B3GALT1: variants seen among roughly 807,000 people sequenced by gnomAD.
The protein encoded by B3GALT1 is beta-1,3-galactosyltransferase 1, also known as UDP-Gal:betaGlcNAc beta 1,3-galactosyltransferase, polypeptide 1.
In B3GALT1, 10 loss-of-function variants were observed where a neutral mutation model predicts 23.2. The observed-to-expected ratio is 0.43, with a 90% CI of 0.27 to 0.73. The LOEUF is 0.73. Ranked by LOEUF, B3GALT1 falls within the 30% of genes least tolerant of loss-of-function variation. The pLI is 0.21. For synonymous variants in B3GALT1, 156 were observed against 141.5 expected, an observed-to-expected ratio of 1.10 and a Z score of -0.73; for missense variants, 299 against 405.4, an observed-to-expected ratio of 0.74 and a Z score of 2.25.
chr2:167,667,102 C>T (rs1174130490), intron 3 of B3GALT1, among the ~76,000 whole-genome samples: 2 of 152,034 alleles, frequency 1.3e-5, no homozygotes, highest in South Asian at 4.2e-4. Context: ...TTGTTCCCTT[C>T]CATGTTTAGC....
chr2:167,633,835 C>T (rs1469347708), intron 2 of B3GALT1, among the ~76,000 whole-genome samples: 2 of 152,064 alleles, frequency 1.3e-5, no homozygotes, highest in Non-Finnish European at 2.9e-5. Flanking sequence ...CAGCTCTGGA[C>T]CAAGCAGACC....
intron 1 of B3GALT1, among the ~76,000 whole-genome samples, chr2:167,448,839 CATT>C (rs1699043257): frequency 6.6e-6 from 1 of 152,100 alleles, no homozygotes; most frequent in South Asian, 2.1e-4. Context: ...ATCCCAGGAC[CATT>C]TGTTGAATAG....
At chr2:167,561,112 C>G (rs1053565206) in intron 2 of B3GALT1, among the ~76,000 whole-genome samples, 43 of 152,204 alleles carry the variant, frequency 2.8e-4, no homozygotes, top group African/African-American at 9.4e-4. Flanking sequence ...CTCTCTCAGA[C>G]CACAGTGCTA....
At chr2:167,720,072 A>T (rs942604157) in intron 3 of B3GALT1, among the ~76,000 whole-genome samples, 2 of 152,188 alleles carry the variant, frequency 1.3e-5, no homozygotes, top group African/African-American at 4.8e-5. Context: ...TTTCCTTTAC[A>T]TCATATGTTG....
At chr2:167,564,008 T>C (rs140428789) in intron 2 of B3GALT1, among the ~76,000 whole-genome samples, 72,745 of 137,474 alleles carry the variant, frequency 0.53, 21,751 homozygotes, top group East Asian at 0.98. Context: ...GGGCCGACCC[T>C]CCCACCTCCC....
At chr2:167,720,130 T>C (rs1687208907) in intron 3 of B3GALT1, among the ~76,000 whole-genome samples, 1 of 152,202 alleles carries the variant, frequency 6.6e-6, no homozygotes, top group East Asian at 1.9e-4. Flanking sequence ...GCTTTCTCAG[T>C]AATGCAACTC....
chr2:167,712,325 G>C (rs1048921335), intron 3 of B3GALT1, among the ~76,000 whole-genome samples: 1 of 152,094 alleles, frequency 6.6e-6, no homozygotes, highest in Non-Finnish European at 1.5e-5. Flanking sequence ...ATACCTGCCA[G>C]ATGGTTTCCA....
chr2:167,622,287 A>G (rs1685273460), intron 2 of B3GALT1, among the ~76,000 whole-genome samples: 1 of 152,038 alleles, frequency 6.6e-6, no homozygotes, highest in African/African-American at 2.4e-5. Flanking sequence ...GTCTGTTGTG[A>G]TAACTTCTAA....
At chr2:167,435,993 A>ACGCACG (rs368339724) in intron 1 of B3GALT1, among the ~76,000 whole-genome samples, 3 of 122,712 alleles carry the variant, frequency 2.4e-5, no homozygotes, top group African/African-American at 1.0e-4. Context: ...GCACACACAC[A>ACGCACG]CACGCACTAG....
At chr2:167,434,416 A>G (rs1293573300) in intron 1 of B3GALT1, among the ~76,000 whole-genome samples, 1 of 151,592 alleles carries the variant, frequency 6.6e-6, no homozygotes, top group Non-Finnish European at 1.5e-5. Context: ...GGTTTCATCT[A>G]TATCTCTGCC....
intron 3 of B3GALT1, among the ~76,000 whole-genome samples, chr2:167,748,498 A>T (rs1314311383): frequency 1.3e-5 from 2 of 152,120 alleles, no homozygotes; most frequent in African/African-American, 4.8e-5. Flanking sequence ...TCTCCTTGTC[A>T]TGGTAAAGTA....
At chr2:167,840,202 T>C (rs1364078077) in intron 4 of B3GALT1, among the ~76,000 whole-genome samples, 1 of 151,260 alleles carries the variant, frequency 6.6e-6, no homozygotes, top group East Asian at 1.9e-4. Context: ...ACTAAAGAGC[T>C]TCTGCACAGC....
At chr2:167,357,293 G>C (rs1042106277) in intron 1 of B3GALT1, among the ~76,000 whole-genome samples, 2 of 151,924 alleles carry the variant, frequency 1.3e-5, no homozygotes, top group East Asian at 3.8e-4. Flanking sequence ...AATTGGTTCA[G>C]AATGTGTAAT....
chr2:167,637,283 T>C (rs927995303), intron 2 of B3GALT1, among the ~76,000 whole-genome samples: 1 of 152,012 alleles, frequency 6.6e-6, no homozygotes, highest in African/African-American at 2.4e-5. Context: ...TCATGGGGAT[T>C]CTTCTGTCAC....
At chr2:167,753,530 G>T (rs773456863) in intron 3 of B3GALT1, among the ~76,000 whole-genome samples, 1 of 152,102 alleles carries the variant, frequency 6.6e-6, no homozygotes, top group Non-Finnish European at 1.5e-5. Flanking sequence ...ATTTCTGGGA[G>T]CTCTTGTGTC....
intron 3 of B3GALT1, among the ~76,000 whole-genome samples, chr2:167,797,554 A>G (rs923902375): frequency 2.6e-5 from 4 of 152,204 alleles, no homozygotes; most frequent in Non-Finnish European, 4.4e-5. Context: ...GAACTGCCAC[A>G]CTGTCTTCCA....
At chr2:167,471,917 T>TA (rs1324284249) in intron 1 of B3GALT1, among the ~76,000 whole-genome samples, 1 of 152,074 alleles carries the variant, frequency 6.6e-6, no homozygotes, top group Non-Finnish European at 1.5e-5. Context: ...GGCCAGGTGG[T>TA]AGGAGAGCAG....
In B3GALT1 at chr2:167,850,006, C is replaced by G. The variant is rs143207530; in HGVS notation, c.-229-18805C>G. ...TAGGCAAGGATTTCATAACCAAGAA[C>G]CCAAAAGCAAATTCAATAAAAACAA... On this transcript the variant is annotated intron_variant, in intron 4 of 4. Transcript: ENST00000392690. 2.9e-4 allele frequency among the ~76,000 whole-genome samples: 44 copies of G among 151,624 alleles called. 2 individuals carry two copies. In the East Asian group the frequency reaches 8.5e-3, roughly 29 times the overall value.
intron 2 of B3GALT1, among the ~76,000 whole-genome samples, chr2:167,586,008 C>A (rs1448340097): frequency 6.6e-6 from 1 of 152,106 alleles, no homozygotes; most frequent in Admixed American, 6.6e-5. Context: ...GGCTTAATAC[C>A]TAGGGCAGCA....
Sources: gnomAD v4.1 joint callset for allele counts (sites outside exome capture counted in the v4.1 genomes callset) on GRCh38, gnomAD v4.1.1 for gene constraint, MANE v1.5 for transcripts, NCBI Gene and HGNC (gene_info 2026-07-23, HGNC 2026-07-21) for gene names.